Variants in ANO6 observed in about 807,000 individuals in gnomAD.
The protein encoded by ANO6 is anoctamin 6, also known as anoctamin-6.
In ANO6, 106 loss-of-function variants were observed where a neutral mutation model predicts 117.5. The observed-to-expected ratio is 0.90, with a 90% CI of 0.77 to 1.06. ANO6 has a LOEUF of 1.06. ANO6 is among the 50% of genes least tolerant of loss of function. The pLI is 0.00. For missense variants in ANO6, 955 were observed against 1,121.1 expected (o/e 0.85, Z 2.12); for synonymous variants, 367 against 385.1 (o/e 0.95, Z 0.55).
chr12:45,415,311 T>G (rs970757032), intron 16 of ANO6, among the ~76,000 whole-genome samples: 1 of 152,186 alleles, frequency 6.6e-6, no homozygotes. Context: ...TTATAAATGG[T>G]ATCTTTTCTC....
At chr12:45,262,700 A>G (rs1938080883) in intron 1 of ANO6, among the ~76,000 whole-genome samples, 2 of 152,184 alleles carry the variant, frequency 1.3e-5, no homozygotes, top group African/African-American at 4.8e-5. Context: ...CTGGGATTAC[A>G]GGCGTGAGCC....
In ANO6 at chr12:45,416,872, C is replaced by A; in HGVS notation, c.2185C>A (p.Gln729Lys). Residue 729 changes from glutamine to lysine, a missense_variant, in exon 17 of 20, where the codon CAA becomes AAA. Gln to Lys is a moderately conservative substitution (Grantham distance 53, BLOSUM62 1). Coordinates refer to ENST00000320560, the MANE Select transcript of ANO6 (RefSeq NM_001025356.3). ...CATTGGAGCATGGCAGCCCATCATG[C>A]AAGGAATAGCAATTCTGGCTGTGGT... ...QDIGAWQPIM[Q>K]GIAILAVVTN... The A allele has an allele frequency of 6.2e-7, 1 of 1,614,148 alleles. No homozygotes were observed. Among genetic ancestry groups the A allele is most frequent in the South Asian group, 1.1e-5 (1 of 91,078 alleles).
chr12:45,277,207 G>A (rs1396780948), intron 1 of ANO6, among the ~76,000 whole-genome samples: 7 of 152,118 alleles, frequency 4.6e-5, no homozygotes, highest in Admixed American at 6.5e-5. Flanking sequence ...TCAGTATGCA[G>A]TGTTTACTTT....
intron 1 of ANO6, among the ~76,000 whole-genome samples, chr12:45,224,137 C>A (rs1449239499): frequency 1.3e-5 from 2 of 152,160 alleles, no homozygotes; most frequent in Non-Finnish European, 2.9e-5. Context: ...TAATCAAGAT[C>A]TGTACCAGGT....
At chr12:45,312,865 A>G (rs981971769) in intron 2 of ANO6, among the ~76,000 whole-genome samples, 4 of 152,208 alleles carry the variant, frequency 2.6e-5, no homozygotes, top group African/African-American at 4.8e-5. Flanking sequence ...AACATGTATT[A>G]TAATATATCA....
At chr12:45,283,115 C>A (rs1315643959) in intron 1 of ANO6, among the ~76,000 whole-genome samples, 1 of 152,208 alleles carries the variant, frequency 6.6e-6, no homozygotes, top group East Asian at 1.9e-4. Context: ...TTACACTCAA[C>A]ATCTTAACGT....
At chr12:45,328,298 C>G (rs879311464) in intron 2 of ANO6, among the ~76,000 whole-genome samples, 3 of 152,210 alleles carry the variant, frequency 2.0e-5, no homozygotes, top group Non-Finnish European at 4.4e-5. Context: ...TCCTCCCCAC[C>G]CCAGCTTCCA....
intron 1 of ANO6, among the ~76,000 whole-genome samples, chr12:45,295,647 T>C (rs1008722548): frequency 6.6e-6 from 1 of 152,044 alleles, no homozygotes; most frequent in Non-Finnish European, 1.5e-5. Flanking sequence ...CTGCAACCTC[T>C]GCTTCCTGGG....
chr12:45,310,074 G>T (rs1939800591), intron 2 of ANO6, among the ~76,000 whole-genome samples: 1 of 152,096 alleles, frequency 6.6e-6, no homozygotes, highest in Non-Finnish European at 1.5e-5. Flanking sequence ...GTGCATTTTT[G>T]TCTGAATATG....
At chr12:45,437,655 T>C (rs1297848893) in intron 19 of ANO6, among the ~76,000 whole-genome samples, 9 of 152,130 alleles carry the variant, frequency 5.9e-5, no homozygotes, top group Non-Finnish European at 1.2e-4. Context: ...TTGCAACCTG[T>C]GCCTCCCAGG....
At position 45,430,134 on chromosome 12, in the gene ANO6, T is replaced by G. The variant is rs528296451; in HGVS notation, c.*823T>G. 1.0e-6 allele frequency: 1 copy of G among 985,440 alleles called. No homozygotes were observed. Among genetic ancestry groups the G allele is most frequent in the African/African-American group, 1.7e-5 (1 of 57,376 alleles). 61.0% of individuals were successfully genotyped at this position (985,440 alleles called of 1,614,324 possible). A position where few individuals can be genotyped will look rare whatever the true frequency, so the allele number is the denominator to read the frequency against. ...CTCATGTTGATCTGGATAATTAATCTTTTCTAAAGATGTGTAGTTTCTTGG... is the reference window on the plus strand; with the variant it reads ...CTCATGTTGATCTGGATAATTAATCGTTTCTAAAGATGTGTAGTTTCTTGG... On this transcript the variant is annotated 3_prime_UTR_variant, in exon 20 of 20. Coordinates refer to ENST00000320560, the MANE Select transcript of ANO6 (RefSeq NM_001025356.3).
At chr12:45,309,767 T>C (rs1406531878) in intron 2 of ANO6, among the ~76,000 whole-genome samples, 1 of 152,082 alleles carries the variant, frequency 6.6e-6, no homozygotes, top group Non-Finnish European at 1.5e-5. Context: ...AGTCTGAGAA[T>C]AAGGCAGTAC....
At chr12:45,287,830 A>G (rs1174884678) in intron 1 of ANO6, among the ~76,000 whole-genome samples, 1 of 152,206 alleles carries the variant, frequency 6.6e-6, no homozygotes, top group Non-Finnish European at 1.5e-5. Context: ...GAAAACGTCA[A>G]GTATTAAAAT....
chr12:45,372,859 C>T (rs1317030346), intron 9 of ANO6, among the ~76,000 whole-genome samples: 1 of 152,164 alleles, frequency 6.6e-6, no homozygotes, highest in African/African-American at 2.4e-5. Context: ...TCACACATAA[C>T]AATATTAACT....
intron 7 of ANO6, among the ~76,000 whole-genome samples, chr12:45,357,082 A>T (rs1159914769): frequency 6.6e-6 from 1 of 152,208 alleles, no homozygotes; most frequent in Non-Finnish European, 1.5e-5. Flanking sequence ...CAAACCAGCA[A>T]TAGTGATCAG....
chr12:45,274,432 A>T (rs1938483736), intron 1 of ANO6, among the ~76,000 whole-genome samples: 1 of 152,032 alleles, frequency 6.6e-6, no homozygotes, highest in Non-Finnish European at 1.5e-5. Context: ...GTCATCCTTG[A>T]TTCCTGCCTT....
chr12:45,315,854 C>T (rs574796777), intron 2 of ANO6, among the ~76,000 whole-genome samples: 2 of 152,146 alleles, frequency 1.3e-5, no homozygotes, highest in East Asian at 1.9e-4. Flanking sequence ...CTCTCACCCC[C>T]GTCCAGTTAA....
chr12:45,364,331 G>T (rs1264605642), intron 8 of ANO6, among the ~76,000 whole-genome samples: 1 of 152,170 alleles, frequency 6.6e-6, no homozygotes, highest in African/African-American at 2.4e-5. Context: ...TCCTGGATAT[G>T]CAAAATAGTG....
At chr12:45,399,617 T>C (rs1397864068) in intron 12 of ANO6, among the ~76,000 whole-genome samples, 1 of 152,114 alleles carries the variant, frequency 6.6e-6, no homozygotes, top group Non-Finnish European at 1.5e-5. Context: ...CCTGGATCAG[T>C]TGCTGAGTCC....
Sources: allele counts gnomAD v4.1 joint callset (sites outside exome capture counted in the v4.1 genomes callset), GRCh38; gene constraint gnomAD v4.1.1; transcripts MANE v1.5; gene names NCBI Gene and HGNC (gene_info 2026-07-23, HGNC 2026-07-21).